The following PARD3B variants were observed in gnomAD, a reference collection of about 807,000 sequenced individuals.
PARD3B encodes par-3 family cell polarity regulator beta.
Under a neutral mutation model 130.2 loss-of-function variants are expected in PARD3B, and 103 were observed. The observed-to-expected ratio is 0.79, with a 90% confidence interval of 0.67 to 0.93. The LOEUF (loss-of-function observed/expected upper bound fraction) is 0.93. Ranked by LOEUF, PARD3B falls within the 40% of genes least tolerant of loss-of-function variation. The probability of loss-of-function intolerance (pLI) is 0.00; values close to 1 mark genes in which losing one functional copy is unlikely to be tolerated. For synonymous variants in PARD3B, 583 were observed against 553.2 expected, an observed-to-expected ratio of 1.05 and a Z score of -0.76; for missense variants, 1,609 against 1,499.2, an observed-to-expected ratio of 1.07 and a Z score of -1.21.
chr2:204,619,751 G>A (rs978820787), intron 1 of PARD3B, among the ~76,000 whole-genome samples: 1 of 152,204 alleles, frequency 6.6e-6, no homozygotes, highest in African/African-American at 2.4e-5. Context: ...CTTCAGACCT[G>A]TAGCAGAAAG....
At chr2:205,225,453 T>C (rs1454922853) in intron 15 of PARD3B, among the ~76,000 whole-genome samples, 2 of 152,220 alleles carry the variant, frequency 1.3e-5, no homozygotes, top group Non-Finnish European at 2.9e-5. Context: ...ATCAGATTTT[T>C]AGATTTTTTT....
chr2:204,555,332 C>T (rs935614680), intron 1 of PARD3B, among the ~76,000 whole-genome samples: 22 of 151,932 alleles, frequency 1.4e-4, no homozygotes, highest in South Asian at 4.2e-4. Flanking sequence ...CTGAGGTGGG[C>T]GAATCACCTG....
intron 4 of PARD3B, among the ~76,000 whole-genome samples, chr2:205,076,630 C>T (rs1275893831): frequency 6.6e-6 from 1 of 152,138 alleles, no homozygotes; most frequent in Middle Eastern, 3.2e-3. Flanking sequence ...CGCTCAGGCT[C>T]CTGTCACATC....
intron 18 of PARD3B, among the ~76,000 whole-genome samples, chr2:205,342,714 T>C (rs779439698): frequency 1.3e-5 from 2 of 152,158 alleles, no homozygotes; most frequent in East Asian, 3.9e-4. Context: ...TATTTAATAT[T>C]AGAACTACTT....
At chr2:205,071,457 A>G (rs2125485593) in intron 4 of PARD3B, among the ~76,000 whole-genome samples, 1 of 152,300 alleles carries the variant, frequency 6.6e-6, no homozygotes, top group Admixed American at 6.5e-5. Context: ...GAATATATAC[A>G]CTTAAAATCC....
chr2:205,613,362 C>T (rs530601635), intron 22 of PARD3B, among the ~76,000 whole-genome samples: 4 of 152,192 alleles, frequency 2.6e-5, no homozygotes, highest in South Asian at 2.1e-4. Flanking sequence ...TTGAGTGTAT[C>T]GGATATCTCC....
Position 205,122,834 on chromosome 2 carries a change from C to T in PARD3B, c.1165+885C>T, listed in dbSNP as rs1052551197. Among the ~76,000 whole-genome samples the T allele has an allele frequency of 1.3e-5, 2 of 152,168 alleles. No individual in the cohort carries two copies. Among genetic ancestry groups the T allele is most frequent in the African/African-American group, 4.8e-5 (2 of 41,440 alleles). On this transcript the variant is annotated intron_variant, in intron 8 of 22. Transcript: ENST00000406610. This position sits in a 1 kb window ranked among gnomAD's most constrained non-coding sequence, Gnocchi z 4.3. ...AAGATTCTCTGATCAAAATTTCATT[C>T]ACCTATAAGAATTCTATTCTGGGAA...
At chr2:205,238,774 G>C (rs2125908301) in intron 15 of PARD3B, among the ~76,000 whole-genome samples, 1 of 142,916 alleles carries the variant, frequency 7.0e-6, no homozygotes, top group East Asian at 2.1e-4. Flanking sequence ...AGAGGTTGCA[G>C]TGAGCCAAGA....
intron 1 of PARD3B, among the ~76,000 whole-genome samples, chr2:204,585,499 CTT>C (rs11323444): frequency 1.5e-4 from 21 of 136,794 alleles, no homozygotes; most frequent in African/African-American, 1.6e-4. Context: ...ATGCCTGGCT[CTT>C]TTTTTTTTTT....
chr2:205,452,718 C>A (rs962371064), intron 20 of PARD3B, among the ~76,000 whole-genome samples: 2 of 152,092 alleles, frequency 1.3e-5, no homozygotes, highest in African/African-American at 4.8e-5. Context: ...AGAGCCCTAC[C>A]CTTGGGACTA....
intron 13 of PARD3B, among the ~76,000 whole-genome samples, chr2:205,177,331 A>G (rs2035530084): frequency 6.6e-6 from 1 of 152,208 alleles, no homozygotes; most frequent in South Asian, 2.1e-4. Context: ...CAAAGATCCT[A>G]ATCAGTAACA....
rs1230537832 is a variant in PARD3B at position 205,160,868 on chromosome 2, A to G, written c.1620+1961A>G. Among the ~76,000 whole-genome samples, 1 of 152,198 alleles carries G rather than the reference A, an allele frequency of 6.6e-6. No individual in the cohort carries two copies. The highest frequency in any genetic ancestry group is 1.5e-5 in the Non-Finnish European group (1 of 68,036). On this transcript the variant is annotated intron_variant, in intron 11 of 22. Transcript: ENST00000406610. The surrounding 1 kb of genome is among the most constrained non-coding windows in gnomAD (Gnocchi z 4.0). ...AGGAATTACTTTAAGATTTGAATCCAGGCAGTCTGACTCCAGAACCTGCGT... is the reference window on the plus strand; with the variant it reads ...AGGAATTACTTTAAGATTTGAATCCGGGCAGTCTGACTCCAGAACCTGCGT...
rs183893707 is a variant in PARD3B, at chr2:205,341,058, C to T, written c.2630+39357C>T. Among the ~76,000 whole-genome samples the T allele has an allele frequency of 2.0e-5, 3 of 151,620 alleles. No homozygotes were observed. Among genetic ancestry groups the T allele is most frequent in the Non-Finnish European group, 2.9e-5 (2 of 67,874 alleles). On this transcript the variant is annotated intron_variant, in intron 18 of 22. Coordinates refer to ENST00000406610, the MANE Select transcript of PARD3B (RefSeq NM_001302769.2). This position sits in a 1 kb window ranked among gnomAD's most constrained non-coding sequence, Gnocchi z 4.3. The stretch of plus-strand genomic sequence containing the variant: ...AACCACAGTGAGATTTCATCTTATC[C>T]GAGTTTGAATGGCTATGATCAAAAA...
chr2:204,878,486 C>G lies in PARD3B; in HGVS notation c.223-86666C>G, dbSNP rs141431415. Among the ~76,000 whole-genome samples, 544 of 152,042 alleles carry G rather than the reference C, an allele frequency of 3.6e-3. 2 individuals are homozygous for G. The highest frequency in any genetic ancestry group is 0.013 in the African/African-American group (524 of 41,472). Reference sequence around the variant, plus strand: ...TGCCATTTTTCCTTCCAAATACAGTCACAATTTTTCCTTGACATTATTTAT... The same window carrying G: ...TGCCATTTTTCCTTCCAAATACAGTGACAATTTTTCCTTGACATTATTTAT... On this transcript the variant is annotated intron_variant, in intron 2 of 22. Coordinates refer to ENST00000406610, the MANE Select transcript of PARD3B (RefSeq NM_001302769.2).
At chr2:204,811,715 T>C (rs1575045106) in intron 2 of PARD3B, among the ~76,000 whole-genome samples, 1 of 152,164 alleles carries the variant, frequency 6.6e-6, no homozygotes, top group East Asian at 1.9e-4. Context: ...AATATGCAGT[T>C]GTTAACTCCT....
chr2:204,893,031 A>G (rs2125692286), intron 2 of PARD3B, among the ~76,000 whole-genome samples: 1 of 152,308 alleles, frequency 6.6e-6, no homozygotes, highest in Non-Finnish European at 1.5e-5. Context: ...GGATGAGACC[A>G]CTTAGGGAGT....
intron 20 of PARD3B, among the ~76,000 whole-genome samples, chr2:205,475,365 A>T (rs1268208945): frequency 6.6e-6 from 1 of 152,126 alleles, no homozygotes; most frequent in African/African-American, 2.4e-5. Context: ...TTAAATACAT[A>T]TTTGACATTG....
chr2:205,043,294 G>T (rs564018081), intron 3 of PARD3B, among the ~76,000 whole-genome samples: 1 of 152,094 alleles, frequency 6.6e-6, no homozygotes, highest in East Asian at 1.9e-4. Context: ...AATAACAAGT[G>T]CTATTACCTA....
In PARD3B at chr2:204,997,081, C is replaced by G. The variant is rs140197971; in HGVS notation, c.394+31758C>G. 3.1e-3 allele frequency among the ~76,000 whole-genome samples: 468 copies of G among 152,270 alleles called. 3 individuals carry two copies. Among genetic ancestry groups the G allele is most frequent in the African/African-American group, 0.01 (430 of 41,556 alleles). On this transcript the variant is annotated intron_variant, in intron 3 of 22. Coordinates refer to ENST00000406610, the MANE Select transcript of PARD3B (RefSeq NM_001302769.2). ...TGGGAGCTGTAGACCGGAGCTGTTC[C>G]TATTCGGCCATCTTGGCTCCTCCCC...
Sources: allele counts gnomAD v4.1 joint callset (sites outside exome capture counted in the v4.1 genomes callset), GRCh38; gene constraint gnomAD v4.1.1; non-coding constraint Gnocchi (gnomAD v3.1); transcripts MANE v1.5; gene names NCBI Gene and HGNC (gene_info 2026-07-23, HGNC 2026-07-21).